The following CSMD1 variants were observed in gnomAD, a reference collection of about 807,000 sequenced individuals.
CSMD1 encodes the protein CUB and sushi domain-containing protein 1.
CSMD1 carries 213 observed loss-of-function variants against 417.5 expected under a neutral mutation model. That is an observed-to-expected ratio of 0.51 (90% CI 0.46 to 0.57). The LOEUF is 0.57. Among genes scored for constraint, CSMD1 ranks in the 20% least tolerant of loss-of-function variants. The pLI is 0.00. For synonymous variants in CSMD1, 2,862 were observed against 1,736.8 expected (o/e 1.65, Z -16.11); for missense variants, 6,923 against 4,529.7 (o/e 1.53, Z -15.17).
chr8:3,944,881 T>C (rs2954648), intron 5 of CSMD1, among the ~76,000 whole-genome samples: 59,155 of 152,062 alleles, frequency 0.39, 11,588 homozygotes, highest in South Asian at 0.47. Context: ...TTCTGGGTTG[T>C]GTTTTCTAAT....
intron 49 of CSMD1, among the ~76,000 whole-genome samples, chr8:3,059,492 G>A (rs1812449846): frequency 6.6e-6 from 1 of 152,144 alleles, no homozygotes; most frequent in African/African-American, 2.4e-5. Context: ...AAAATGCTGT[G>A]GGATAAGCTG....
At chr8:3,669,796 G>A (rs974166150) in intron 7 of CSMD1, among the ~76,000 whole-genome samples, 63 of 152,196 alleles carry the variant, frequency 4.1e-4, no homozygotes, top group African/African-American at 1.9e-4. Flanking sequence ...AGGGATCCAC[G>A]TGCAGCCCTA....
intron 5 of CSMD1, among the ~76,000 whole-genome samples, chr8:3,939,141 G>C (rs368719305): frequency 6.6e-6 from 1 of 152,062 alleles, no homozygotes; most frequent in East Asian, 1.9e-4. Flanking sequence ...TTCTTGCCCT[G>C]TGGAGAATAA....
intron 3 of CSMD1, among the ~76,000 whole-genome samples, chr8:4,151,604 G>C (rs943215912): frequency 6.6e-6 from 1 of 152,082 alleles, no homozygotes; most frequent in African/African-American, 2.4e-5. Flanking sequence ...TGTTTCTCAT[G>C]GATTGTGACA....
intron 10 of CSMD1, among the ~76,000 whole-genome samples, chr8:3,556,528 A>G (rs1212792508): frequency 2.7e-4 from 40 of 145,610 alleles, no homozygotes; most frequent in Non-Finnish European, 4.3e-4. Flanking sequence ...ACACACACAC[A>G]CACACACACA....
chr8:4,921,312 T>A (rs942714640), intron 1 of CSMD1, among the ~76,000 whole-genome samples: 2 of 152,180 alleles, frequency 1.3e-5, no homozygotes, highest in Non-Finnish European at 2.9e-5. Flanking sequence ...ATTTAGGATA[T>A]ACTCAGGAAA....
chr8:4,907,469 A>G (rs983246323), intron 1 of CSMD1, among the ~76,000 whole-genome samples: 5 of 152,334 alleles, frequency 3.3e-5, no homozygotes, highest in Middle Eastern at 3.4e-3. Context: ...TACCTTTAAA[A>G]TAAATATAAA....
At chr8:4,476,350 G>C (rs1800803326) in intron 2 of CSMD1, among the ~76,000 whole-genome samples, 1 of 152,052 alleles carries the variant, frequency 6.6e-6, no homozygotes. Flanking sequence ...TAAGAATATG[G>C]TATTAGTATT....
At chr8:4,610,792 T>C (rs1171325606) in intron 2 of CSMD1, among the ~76,000 whole-genome samples, 1 of 152,202 alleles carries the variant, frequency 6.6e-6, no homozygotes, top group Admixed American at 6.5e-5. Flanking sequence ...ATATTGCCTT[T>C]CACAAGAGTT....
chr8:3,100,305 C>A (rs1274227479), intron 46 of CSMD1, among the ~76,000 whole-genome samples: 2 of 152,184 alleles, frequency 1.3e-5, no homozygotes, highest in Non-Finnish European at 2.9e-5. Context: ...CCTTCCACCT[C>A]AACCTCCACC....
chr8:3,829,528 G>C (rs1051031560), intron 5 of CSMD1, among the ~76,000 whole-genome samples: 1 of 152,124 alleles, frequency 6.6e-6, no homozygotes, highest in Admixed American at 6.5e-5. Flanking sequence ...ACCAGAACAT[G>C]ATTACATGAG....
At chr8:3,146,875 A>G (rs1169022693) in intron 40 of CSMD1, among the ~76,000 whole-genome samples, 3 of 152,188 alleles carry the variant, frequency 2.0e-5, no homozygotes, top group East Asian at 1.9e-4. Context: ...TTATTTGACT[A>G]AACTGGCAAC....
chr8:3,293,538 T>C (rs1043614380), intron 25 of CSMD1, among the ~76,000 whole-genome samples: 1 of 152,206 alleles, frequency 6.6e-6, no homozygotes, highest in African/African-American at 2.4e-5. Context: ...TTTATTCTTT[T>C]TTTCTCTAAA....
intron 7 of CSMD1, among the ~76,000 whole-genome samples, chr8:3,690,119 G>A (rs923994633): frequency 6.6e-6 from 1 of 152,182 alleles, no homozygotes; most frequent in African/African-American, 2.4e-5. Flanking sequence ...AGCACTTTAG[G>A]AGGCTGAGAC....
intron 5 of CSMD1, among the ~76,000 whole-genome samples, chr8:3,793,393 T>A: frequency 6.6e-6 from 1 of 152,166 alleles, no homozygotes; most frequent in Non-Finnish European, 1.5e-5. Context: ...CCAACCCATA[T>A]TTTTCCTTGC....
chr8:4,797,860 C>T lies in CSMD1; in HGVS notation c.86-160302G>A, dbSNP rs145950365. Among the ~76,000 whole-genome samples the T allele has an allele frequency of 4.4e-3, 663 of 152,262 alleles. 9 individuals are homozygous for T. Among genetic ancestry groups the T allele is most frequent in the African/African-American group, 0.016 (647 of 41,548 alleles). On this transcript the variant is annotated intron_variant, in intron 1 of 69. Transcript: ENST00000635120. ...CAAGAGAAACCATATAAAGACATTTCCTCATGGATTTTACGAAAATCATCT... is the reference window on the plus strand; with the variant it reads ...CAAGAGAAACCATATAAAGACATTTTCTCATGGATTTTACGAAAATCATCT...
At chr8:3,155,229 T>G in intron 39 of CSMD1, among the ~76,000 whole-genome samples, 1 of 152,056 alleles carries the variant, frequency 6.6e-6, no homozygotes, top group Non-Finnish European at 1.5e-5. Flanking sequence ...AAATTTCAAT[T>G]CCTGACTTTT....
intron 4 of CSMD1, among the ~76,000 whole-genome samples, chr8:4,023,077 G>T (rs554747523): frequency 6.6e-6 from 1 of 152,120 alleles, no homozygotes; most frequent in Non-Finnish European, 1.5e-5. Flanking sequence ...AGTGAAATAT[G>T]GCCTCATGGT....
intron 1 of CSMD1, among the ~76,000 whole-genome samples, chr8:4,828,358 T>G (rs187365690): frequency 6.6e-6 from 1 of 152,276 alleles, no homozygotes; most frequent in African/African-American, 2.4e-5. Context: ...AGCCCAATTG[T>G]TGACCTGAAT....
Sources: gnomAD v4.1 joint callset for allele counts (sites outside exome capture counted in the v4.1 genomes callset) on GRCh38, gnomAD v4.1.1 for gene constraint, MANE v1.5 for transcripts, NCBI Gene and HGNC (gene_info 2026-07-23, HGNC 2026-07-21) for gene names.